The following AVEN variants were observed in gnomAD, a reference collection of about 807,000 sequenced individuals.
The protein encoded by AVEN is cell death regulator Aven.
AVEN carries 41 observed loss-of-function variants against 38.1 expected under a neutral mutation model. The observed-to-expected ratio is 1.08, with a 90% CI of 0.84 to 1.40. The LOEUF (loss-of-function observed/expected upper bound fraction) is 1.40. Ranked by LOEUF, AVEN falls within the 40% of genes most tolerant of loss-of-function variation. The pLI is 0.00. For synonymous variants in AVEN, 206 were observed against 171.8 expected, an observed-to-expected ratio of 1.20 and a Z score of -1.56; for missense variants, 605 against 438.8, an observed-to-expected ratio of 1.38 and a Z score of -3.38.
At chr15:34,032,105 A>T (rs2140766399) in intron 1 of AVEN, among the ~76,000 whole-genome samples, 1 of 152,322 alleles carries the variant, frequency 6.6e-6, no homozygotes, top group South Asian at 2.1e-4. Context: ...TAAGTTAGTC[A>T]GTAGCTTCTA....
chr15:33,864,557 C>A (rs541507553), downstream of AVEN, among the ~76,000 whole-genome samples: 91 of 151,206 alleles, frequency 6.0e-4, no homozygotes, highest in Middle Eastern at 0.01. Context: ...AAGATAACGA[C>A]CTCATGTGTG....
At chr15:33,852,658 T>A in the AVEN span, 1 of 179,002 alleles carries the variant, frequency 5.6e-6, no homozygotes, top group African/African-American at 2.4e-5. Context: ...GTAGGTGACA[T>A]AAAGTAGTGA....
chr15:33,894,147 G>C (rs959663078), intron 2 of AVEN, among the ~76,000 whole-genome samples: 2 of 151,768 alleles, frequency 1.3e-5, no homozygotes, highest in African/African-American at 2.4e-5. Flanking sequence ...ATGGGGTTTC[G>C]CTATGTTGGC....
intron 2 of AVEN, among the ~76,000 whole-genome samples, chr15:33,916,675 A>AAAT (rs752134131): frequency 6.6e-6 from 1 of 152,168 alleles, no homozygotes; most frequent in Non-Finnish European, 1.5e-5. Context: ...CATAATAAAA[A>AAAT]AATAATAATA....
In AVEN at chr15:34,003,691, T is replaced by A. The variant is rs537473936; in HGVS notation, c.268-482A>T. 2.6e-5 allele frequency among the ~76,000 whole-genome samples: 4 copies of A among 152,308 alleles called. No homozygotes were observed. The South Asian group carries it at 8.3e-4, about 32-fold the overall frequency. On this transcript the variant is annotated intron_variant, in intron 1 of 5. Transcript: ENST00000306730. ...ACTATTTAACTTAAACATATATTACTAGGAAAACACTATTACATATAGTGA... is the reference window on the plus strand; with the variant it reads ...ACTATTTAACTTAAACATATATTACAAGGAAAACACTATTACATATAGTGA...
chr15:33,956,237 T>A (rs1394330601), intron 2 of AVEN, among the ~76,000 whole-genome samples: 1 of 152,176 alleles, frequency 6.6e-6, no homozygotes, highest in East Asian at 1.9e-4. Flanking sequence ...TCACCTGTCC[T>A]GCTCTAATGT....
intron 2 of AVEN, among the ~76,000 whole-genome samples, chr15:33,958,450 G>C (rs1374691218): frequency 6.6e-6 from 1 of 151,946 alleles, no homozygotes; most frequent in Admixed American, 6.6e-5. Context: ...AATCAGCCAG[G>C]CATGGTAGCA....
chr15:33,910,381 C>A (rs1892873187), intron 2 of AVEN, among the ~76,000 whole-genome samples: 1 of 152,112 alleles, frequency 6.6e-6, no homozygotes, highest in South Asian at 2.1e-4. Context: ...TAATACAAAG[C>A]AAACACATTT....
At chr15:34,060,873 G>A (rs565929869) in intron 5 of AVEN, among the ~76,000 whole-genome samples, 66 of 151,744 alleles carry the variant, frequency 4.3e-4, no homozygotes, top group Non-Finnish European at 7.1e-4. Flanking sequence ...TCTGTTAGCC[G>A]GGCGTGGTGG....
At chr15:33,955,702 T>G (rs1051030003) in intron 2 of AVEN, among the ~76,000 whole-genome samples, 1 of 152,186 alleles carries the variant, frequency 6.6e-6, no homozygotes, top group Non-Finnish European at 1.5e-5. Context: ...TTACATGCAT[T>G]ACTTGCTTTT....
rs71974331 is a variant in AVEN, at chr15:33,933,491, T to TCACACACACACA, written c.446-57508_446-57497dup. Among the ~76,000 whole-genome samples, 676 of 68,152 alleles carry TCACACACACACA rather than the reference T, an allele frequency of 9.9e-3. 21 individuals carry two copies. The highest frequency in any genetic ancestry group is 0.024 in the South Asian group (33 of 1,404). 44.7% of individuals were successfully genotyped at this position (68,152 alleles called of 152,430 possible). A position where few individuals can be genotyped will look rare whatever the true frequency, so the allele number is the denominator to read the frequency against. ...GTAAGCCAGGCCTGGCCTCCAACAATCACACACACACACACACACACACAC... is the reference window on the plus strand; with the variant it reads ...GTAAGCCAGGCCTGGCCTCCAACAATCACACACACACACACACACACACACACACACACACAC... On this transcript the variant is annotated intron_variant, in intron 2 of 5. Transcript: ENST00000306730.
chr15:33,854,731 A>G (rs949867648), downstream of AVEN: 3 of 1,577,612 alleles, frequency 1.9e-6, no homozygotes, highest in South Asian at 2.4e-5. Flanking sequence ...CTATGAGGCA[A>G]ACATGCTTAA....
chr15:33,857,786 C>T (rs1263572825), downstream of AVEN: 1 of 1,613,904 alleles, frequency 6.2e-7, no homozygotes, highest in Non-Finnish European at 8.5e-7. Flanking sequence ...CCAGTTGGTT[C>T]TGACTGTCGG....
At chr15:33,910,215 T>C (rs189928411) in intron 2 of AVEN, among the ~76,000 whole-genome samples, 16 of 152,018 alleles carry the variant, frequency 1.1e-4, no homozygotes, top group Non-Finnish European at 2.1e-4. Flanking sequence ...GTAAGACATA[T>C]ATTCCTTTCA....
rs749287251 is a variant in AVEN, at chr15:34,064,265, GAA to G, written n.1127-835_1127-834del. 40 of 1,611,642 alleles carry G rather than the reference GAA, an allele frequency of 2.5e-5. 1 individual carries two copies. The Admixed American group carries it at 6.3e-4, about 25-fold the overall frequency. ...TGCTGCTTCTCTGCCGATGGAAAAAGAAAAAAGTGGAAGAGAAGTTGTACTGG... is the reference window on the plus strand; with the variant it reads ...TGCTGCTTCTCTGCCGATGGAAAAAGAAAAGTGGAAGAGAAGTTGTACTGG... On this transcript the variant is annotated intron_variant and non_coding_transcript_variant, in intron 4 of 11. Transcript: ENST00000675287.
At chr15:34,024,250 T>A (rs551618952) in intron 1 of AVEN, among the ~76,000 whole-genome samples, 1 of 152,296 alleles carries the variant, frequency 6.6e-6, no homozygotes, top group South Asian at 2.1e-4. Context: ...GAATACTTTA[T>A]AATGCTATTA....
intron 2 of AVEN, among the ~76,000 whole-genome samples, chr15:33,998,527 T>C (rs1897022918): frequency 1.3e-5 from 2 of 152,210 alleles, no homozygotes. Flanking sequence ...CCCATTATTC[T>C]CCTTTCCTTT....
At chr15:33,979,650 ATC>A (rs1029048228) in intron 2 of AVEN, among the ~76,000 whole-genome samples, 4 of 152,226 alleles carry the variant, frequency 2.6e-5, no homozygotes, top group Admixed American at 2.0e-4. Context: ...ACCAAATGTT[ATC>A]TGTTTTCAGA....
At chr15:34,020,268 A>G (rs1597359499) in intron 1 of AVEN, among the ~76,000 whole-genome samples, 1 of 152,072 alleles carries the variant, frequency 6.6e-6, no homozygotes, top group South Asian at 2.1e-4. Flanking sequence ...CTGAGATCAC[A>G]CCACTGCACT....
Sources: allele counts gnomAD v4.1 joint callset (sites outside exome capture counted in the v4.1 genomes callset), GRCh38; gene constraint gnomAD v4.1.1; transcripts MANE v1.5; gene names NCBI Gene and HGNC (gene_info 2026-07-23, HGNC 2026-07-21).